Variants in DENND2A observed in about 807,000 individuals in gnomAD.
The protein encoded by DENND2A is DENN domain containing 2A, also known as DENN domain-containing protein 2A.
Under a neutral mutation model 105.3 loss-of-function variants are expected in DENND2A, and 53 were observed. The observed-to-expected ratio is 0.50, with a 90% CI of 0.40 to 0.63. The LOEUF (loss-of-function observed/expected upper bound fraction) is 0.63. Ranked by LOEUF, DENND2A falls within the 30% of genes least tolerant of loss-of-function variation. DENND2A has a pLI of 0.00. For missense variants in DENND2A, 1,138 were observed against 1,279.6 expected, an observed-to-expected ratio of 0.89 and a Z score of 1.69; for synonymous variants, 522 against 508.4, an observed-to-expected ratio of 1.03 and a Z score of -0.36.
Position 140,557,543 on chromosome 7 carries a change from T to A in DENND2A, c.1959+600A>T, listed in dbSNP as rs1348493871. ...TATATATATATATATTTTTTTTTTT[T>A]TTTTTTTTTTTTTTGAGACGGAGTT... On this transcript the variant is annotated intron_variant, in intron 11 of 19. Coordinates refer to ENST00000496613, the MANE Select transcript of DENND2A (RefSeq NM_015689.5). Among the ~76,000 whole-genome samples the A allele has an allele frequency of 4.1e-4, 22 of 53,708 alleles. 2 individuals carry two copies. Among genetic ancestry groups the A allele is most frequent in the African/African-American group, 8.7e-4 (19 of 21,778 alleles). The allele number at this position is 53,708 out of a possible 152,430, so 35.2% of individuals were successfully genotyped here. A position where few individuals can be genotyped will look rare whatever the true frequency, so the allele number is the denominator to read the frequency against.
At chr7:140,533,701 G>A (rs910976779) in intron 14 of DENND2A, among the ~76,000 whole-genome samples, 5 of 152,188 alleles carry the variant, frequency 3.3e-5, no homozygotes, top group Non-Finnish European at 5.9e-5. Flanking sequence ...CCAGCTGGCC[G>A]CGTGGGAGGA....
chr7:140,566,863 T>A (rs1616631), intron 9 of DENND2A, among the ~76,000 whole-genome samples: 1 of 151,994 alleles, frequency 6.6e-6, no homozygotes, highest in Non-Finnish European at 1.5e-5. Flanking sequence ...TTTGTATTTG[T>A]CTGGCCAAAC....
At chr7:140,532,957 A>G (rs924708823) in intron 14 of DENND2A, among the ~76,000 whole-genome samples, 1 of 151,184 alleles carries the variant, frequency 6.6e-6, no homozygotes, top group Non-Finnish European at 1.5e-5. Flanking sequence ...AACATGTTTA[A>G]CTTTTTTTCC....
intron 12 of DENND2A, 102 bp from the exon 13 acceptor site, chr7:140,547,041 T>C (rs947389958): frequency 7.5e-6 from 11 of 1,460,504 alleles, no homozygotes; most frequent in African/African-American, 7.0e-5. Context: ...TCAAGAATTA[T>C]GGGGAAGCCC....
chr7:140,590,368 C>T lies in DENND2A; in HGVS notation c.996-2588G>A, dbSNP rs180876405. Among the ~76,000 whole-genome samples the T allele has an allele frequency of 6.0e-3, 915 of 151,622 alleles. 6 individuals are homozygous for T. The highest frequency in any genetic ancestry group is 0.02 in the African/African-American group (847 of 41,354). Reference sequence around the variant, plus strand: ...TTGCGCCACTGCACTCTAGCCTGGGCGACAGAGACTCTGTCTCAAAAAATA... The same window carrying T: ...TTGCGCCACTGCACTCTAGCCTGGGTGACAGAGACTCTGTCTCAAAAAATA... On this transcript the variant is annotated intron_variant, in intron 3 of 19. Coordinates refer to ENST00000496613, the MANE Select transcript of DENND2A (RefSeq NM_015689.5).
At chr7:140,522,138 A>G (rs1408938962) in intron 17 of DENND2A, 38 bp from the exon 18 acceptor site, 1 of 1,611,060 alleles carries the variant, frequency 6.2e-7, no homozygotes, top group Non-Finnish European at 8.5e-7. Flanking sequence ...CGGTGAGGGC[A>G]GACAGGCTGG....
At chr7:140,519,520 G>T in intron 19 of DENND2A, 112 bp downstream of exon 19, 1 of 867,576 alleles carries the variant, frequency 1.2e-6, no homozygotes, top group Non-Finnish European at 1.9e-6. Flanking sequence ...AGCGCAGGCC[G>T]TAGAGCTCTG....
intron 14 of DENND2A, among the ~76,000 whole-genome samples, chr7:140,538,602 G>A (rs1181135959): frequency 1.3e-5 from 2 of 152,116 alleles, no homozygotes; most frequent in Non-Finnish European, 2.9e-5. Flanking sequence ...CACCTCCCAG[G>A]TTTAAGTGAT....
intron 12 of DENND2A, among the ~76,000 whole-genome samples, chr7:140,548,672 G>A (rs1797000029): frequency 1.3e-5 from 2 of 151,452 alleles, no homozygotes; most frequent in Admixed American, 1.3e-4. Context: ...GGGGTGCAGT[G>A]GCATGATCTC....
rs567825641 is a variant in DENND2A, at chr7:140,523,588, T to A, written c.2548-164A>T. ...GAGGTTTCAATCTTGAGCCTACTTT[T>A]TTTTTTGAGACAGAGTTTCACTCTT... On this transcript the variant is annotated intron_variant, in intron 16 of 19. Transcript: ENST00000496613. The surrounding 1 kb of genome is among the most constrained non-coding windows in gnomAD (Gnocchi z 4.5). 2.0e-5 allele frequency among the ~76,000 whole-genome samples: 3 copies of A among 152,288 alleles called. No individual in the cohort carries two copies. Among genetic ancestry groups the A allele is most frequent in the South Asian group, 2.1e-4 (1 of 4,826 alleles).
At chr7:140,548,695 C>A (rs922239632) in intron 12 of DENND2A, among the ~76,000 whole-genome samples, 1 of 151,350 alleles carries the variant, frequency 6.6e-6, no homozygotes, top group African/African-American at 2.4e-5. Flanking sequence ...CTCACTGCAA[C>A]CTCTGCCTCC....
rs1454244840 is a variant in DENND2A, at chr7:140,624,865, TTTG to T, written c.-248+15636_-248+15638del. 4.1e-4 allele frequency among the ~76,000 whole-genome samples: 60 copies of T among 145,426 alleles called. 2 individuals carry two copies. The highest frequency in any genetic ancestry group is 1.5e-3 in the African/African-American group (54 of 35,858). ...TTTTTCTTTGTTTTTTTTGTTTTTT[TTTG>T]TTTTTTTTTTTTTGCTTTTTGAGAC... On this transcript the variant is annotated intron_variant, in intron 1 of 19. Transcript: ENST00000496613.
chr7:140,528,031 G>A (rs1258923641), intron 14 of DENND2A, among the ~76,000 whole-genome samples: 1 of 151,904 alleles, frequency 6.6e-6, no homozygotes, highest in Non-Finnish European at 1.5e-5. Flanking sequence ...AGTAGCGATG[G>A]GGTTTCACCA....
At chr7:140,618,625 C>T (rs1328241526) in intron 1 of DENND2A, among the ~76,000 whole-genome samples, 1 of 152,126 alleles carries the variant, frequency 6.6e-6, no homozygotes, top group African/African-American at 2.4e-5. Context: ...TAGACTAGAA[C>T]TAGACTCTAG....
Position 140,587,723 on chromosome 7 carries a change from G to A in DENND2A, c.1053C>T (p.Asp351=), listed in dbSNP as rs1798844537. 1 of 1,612,266 alleles carries A rather than the reference G, an allele frequency of 6.2e-7. No individual in the cohort carries two copies. Among genetic ancestry groups the A allele is most frequent in the African/African-American group, 1.3e-5 (1 of 74,838 alleles). Residue 351 remains aspartate (D), a synonymous_variant, in exon 4 of 20, where the codon GAC becomes GAT. Coordinates refer to ENST00000496613, the MANE Select transcript of DENND2A (RefSeq NM_015689.5). ...GCCCCAGCTTAGTCTGCGCGTACCA[G>A]TCCACCCTGCTGCTCTCAGAGGAAG... ...LQSSSESSRV[D]WYAQTKLGLT... is the part of the protein sequence containing the mutation.
At chr7:140,525,029 G>T (rs749325894) in intron 16 of DENND2A, among the ~76,000 whole-genome samples, 1 of 151,608 alleles carries the variant, frequency 6.6e-6, no homozygotes, top group Non-Finnish European at 1.5e-5. Context: ...GGGACTACAG[G>T]CGTAAATGCA....
At chr7:140,548,138 C>T (rs1350685097) in intron 12 of DENND2A, among the ~76,000 whole-genome samples, 3 of 152,128 alleles carry the variant, frequency 2.0e-5, no homozygotes, top group East Asian at 1.9e-4. Flanking sequence ...GTCGCCCAGG[C>T]TTGCCTTCAA....
At chr7:140,579,431 C>T (rs1798442999) in intron 5 of DENND2A, among the ~76,000 whole-genome samples, 1 of 150,816 alleles carries the variant, frequency 6.6e-6, no homozygotes, top group South Asian at 2.1e-4. Context: ...CTCTCTCTGT[C>T]ACCCAGGCTG....
chr7:140,525,722 A>G lies in DENND2A; in HGVS notation c.2547+29T>C, dbSNP rs1165630416. 2.5e-6 allele frequency: 4 copies of G among 1,595,706 alleles called. No homozygotes were observed. In the South Asian group the frequency reaches 3.4e-5, roughly 14 times the overall value. ...ACAACAAATAGGTAAAGACAAAGGG[A>G]GCAGGAGGCCGTCGCTGGCCTCACT... On this transcript the variant is annotated intron_variant, in intron 16 of 19. Coordinates refer to ENST00000496613, the MANE Select transcript of DENND2A (RefSeq NM_015689.5).
Sources: allele counts gnomAD v4.1 joint callset (sites outside exome capture counted in the v4.1 genomes callset), GRCh38; gene constraint gnomAD v4.1.1; non-coding constraint Gnocchi (gnomAD v3.1); transcripts MANE v1.5; gene names NCBI Gene and HGNC (gene_info 2026-07-23, HGNC 2026-07-21).